Variants in TMEM135 observed in about 807,000 individuals in gnomAD.
TMEM135 encodes the protein peroxisomal membrane protein 52.
A neutral mutation model predicts 60.3 loss-of-function variants in TMEM135; 30 were observed. The ratio of observed to expected loss-of-function variants is 0.50; its 90% CI spans 0.37 to 0.68. The LOEUF (loss-of-function observed/expected upper bound fraction) is 0.68, where lower values mean the gene tolerates loss of function less well. Among genes scored for constraint, TMEM135 ranks in the 30% least tolerant of loss-of-function variants. The pLI is 0.00. For synonymous variants in TMEM135, 190 were observed against 186.7 expected, an observed-to-expected ratio of 1.02 and a Z score of -0.14; for missense variants, 468 against 548.8, an observed-to-expected ratio of 0.85 and a Z score of 1.47.
At chr11:87,159,617 A>ACACGCACACACACCCC (rs140303858) in intron 5 of TMEM135, among the ~76,000 whole-genome samples, 7 of 149,344 alleles carry the variant, frequency 4.7e-5, no homozygotes, top group Non-Finnish European at 3.0e-5. Flanking sequence ...ACACACACAC[A>ACACGCACACACACCCC]CCATAGATTT....
intron 5 of TMEM135, among the ~76,000 whole-genome samples, chr11:87,169,070 C>G (rs995890613): frequency 4.6e-5 from 7 of 151,780 alleles, no homozygotes; most frequent in African/African-American, 1.7e-4. Context: ...TTCTTTGTCT[C>G]TTTTGATCTT....
chr11:87,047,273 A>G (rs186967813), intron 1 of TMEM135, among the ~76,000 whole-genome samples: 7 of 152,324 alleles, frequency 4.6e-5, no homozygotes, highest in Admixed American at 4.6e-4. Context: ...AAATTGTACA[A>G]CAGCCAGATT....
In TMEM135 at chr11:87,328,817, C is replaced by T. The variant is rs760816439; in HGVS notation, c.*7484C>T. ...TGTGTTAACAATAAAAATATATATA[C>T]GAGTGTCTTTTATGGTAGATCTCCT... On this transcript the variant is annotated 3_prime_UTR_variant, in exon 15 of 15. Transcript: ENST00000305494. 6.4e-5 allele frequency: 29 copies of T among 453,902 alleles called. No individual in the cohort carries two copies. Among genetic ancestry groups the T allele is most frequent in the African/African-American group, 3.6e-4 (18 of 49,968 alleles). 28.1% of individuals were successfully genotyped at this position (453,902 alleles called of 1,614,324 possible).
In TMEM135 at chr11:87,071,573, T is replaced by C; in HGVS notation, c.320T>C (p.Leu107Pro). ...TGGACTCCTGGCTTTGGTGCCGCTC[T>C]GCCAGCATCTTATGTGGCCATTCTC... Reference protein sequence around the residue: ...YSWTPGFGAALPASYVAILIE... With the variant: ...YSWTPGFGAAPPASYVAILIE... The change falls in exon 3 of 15, where the codon CTG (leucine) becomes CCG (proline). Residue 107 changes from leucine (L) to proline (P), a missense_variant. Transcript: ENST00000305494. 6.2e-7 allele frequency: 1 copy of C among 1,614,042 alleles called. No homozygotes were observed. The highest frequency in any genetic ancestry group is 2.2e-5 in the East Asian group (1 of 44,854).
intron 4 of TMEM135, among the ~76,000 whole-genome samples, chr11:87,127,884 A>G (rs369099256): frequency 7.2e-5 from 11 of 152,328 alleles, no homozygotes; most frequent in African/African-American, 2.6e-4. Flanking sequence ...GAATGAAAAA[A>G]AATGCTGAAT....
intron 8 of TMEM135, 132 bp from the exon 9 acceptor site, chr11:87,305,804 T>TAAATAAAG (rs1026222945): frequency 1.2e-5 from 5 of 412,398 alleles, no homozygotes; most frequent in Non-Finnish European, 2.1e-5. Flanking sequence ...AATAAATAAA[T>TAAATAAAG]AAAGTGATGT....
In TMEM135 at chr11:87,324,053, T is replaced by C. The variant is rs1252347646; in HGVS notation, c.*2720T>C. 2.2e-6 allele frequency: 1 copy of C among 453,978 alleles called. No individual in the cohort carries two copies. The highest frequency in any genetic ancestry group is 4.4e-6 in the Non-Finnish European group (1 of 226,786). The allele number at this position is 453,978 out of a possible 1,614,324, so 28.1% of individuals were successfully genotyped here. A position where few individuals can be genotyped will look rare whatever the true frequency, so the allele number is the denominator to read the frequency against. On this transcript the variant is annotated 3_prime_UTR_variant, in exon 15 of 15. Transcript: ENST00000305494. Reference sequence around the variant, plus strand: ...CTTTTATTAGACTGAACATGTATGTTTTTGATGGAATCCAAACTGAGCAAA... The same window carrying C: ...CTTTTATTAGACTGAACATGTATGTCTTTGATGGAATCCAAACTGAGCAAA...
At chr11:87,104,151 A>G (rs1043935370) in intron 4 of TMEM135, among the ~76,000 whole-genome samples, 6 of 152,124 alleles carry the variant, frequency 3.9e-5, no homozygotes, top group African/African-American at 1.4e-4. Context: ...TTGCAAGTAG[A>G]TATCCAGTTT....
At chr11:87,073,396 TTTGA>T (rs1856809214) in intron 3 of TMEM135, among the ~76,000 whole-genome samples, 1 of 152,202 alleles carries the variant, frequency 6.6e-6, no homozygotes. Context: ...TGGTTCTCTG[TTTGA>T]TTATATCAAT....
chr11:87,150,215 CAAAAA>C (rs200067307), intron 4 of TMEM135, among the ~76,000 whole-genome samples: 19 of 109,888 alleles, frequency 1.7e-4, no homozygotes, highest in Non-Finnish European at 2.5e-4. Flanking sequence ...AACTCTGTCT[CAAAAA>C]AAAAAAAAAA....
At chr11:87,089,320 A>G (rs1857159473) in intron 3 of TMEM135, among the ~76,000 whole-genome samples, 1 of 152,168 alleles carries the variant, frequency 6.6e-6, no homozygotes. Flanking sequence ...GGATGGCCTA[A>G]ATCCAGAAAC....
At chr11:87,153,166 C>T (rs1448967466) in intron 4 of TMEM135, among the ~76,000 whole-genome samples, 1 of 152,154 alleles carries the variant, frequency 6.6e-6, no homozygotes, top group African/African-American at 2.4e-5. Flanking sequence ...GAAATGCATT[C>T]CTATTATGCC....
intron 6 of TMEM135, among the ~76,000 whole-genome samples, chr11:87,295,107 C>T (rs1305180258): frequency 6.6e-6 from 1 of 152,124 alleles, no homozygotes; most frequent in Non-Finnish European, 1.5e-5. Flanking sequence ...AGAAAAATCT[C>T]TATTCATACA....
chr11:87,103,498 G>GT (rs1565442243), intron 4 of TMEM135, among the ~76,000 whole-genome samples: 5 of 119,048 alleles, frequency 4.2e-5, no homozygotes, highest in African/African-American at 6.5e-5. Flanking sequence ...TTTTTTGTTT[G>GT]TTTTTTTGTT....
At chr11:87,132,960 A>G (rs1179409636) in intron 4 of TMEM135, among the ~76,000 whole-genome samples, 1 of 152,194 alleles carries the variant, frequency 6.6e-6, no homozygotes, top group East Asian at 1.9e-4. Flanking sequence ...TGGGGCCATT[A>G]TTAAGTAACG....
chr11:87,054,080 G>C (rs150933451), intron 1 of TMEM135, among the ~76,000 whole-genome samples: 1 of 152,300 alleles, frequency 6.6e-6, no homozygotes, highest in African/African-American at 2.4e-5. Flanking sequence ...TACTTGAGGG[G>C]AATCAATAAC....
intron 8 of TMEM135, among the ~76,000 whole-genome samples, chr11:87,304,701 C>T (rs1270912759): frequency 6.6e-6 from 1 of 152,136 alleles, no homozygotes; most frequent in Non-Finnish European, 1.5e-5. Context: ...AATCAATTTG[C>T]GAATGGGATT....
intron 8 of TMEM135, among the ~76,000 whole-genome samples, chr11:87,303,959 A>G (rs1439603472): frequency 1.3e-5 from 2 of 152,208 alleles, no homozygotes; most frequent in African/African-American, 2.4e-5. Context: ...GCAGAATACT[A>G]CAGAAGCAAA....
At chr11:87,167,952 G>C (rs624004) in intron 5 of TMEM135, among the ~76,000 whole-genome samples, 55,912 of 151,854 alleles carry the variant, frequency 0.37, 10,816 homozygotes, top group East Asian at 0.67. Flanking sequence ...GCTTTTTTTG[G>C]GTGGCAGGCT....
Sources: allele counts gnomAD v4.1 joint callset (sites outside exome capture counted in the v4.1 genomes callset), GRCh38; gene constraint gnomAD v4.1.1; transcripts MANE v1.5; gene names NCBI Gene and HGNC (gene_info 2026-07-23, HGNC 2026-07-21).